Variants in ST6GAL1 observed in about 807,000 individuals in gnomAD.
ST6GAL1 encodes beta-galactoside alpha-2,6-sialyltransferase 1.
A neutral mutation model predicts 38.0 loss-of-function variants in ST6GAL1; 20 were observed. The observed-to-expected ratio is 0.53, with a 90% CI of 0.37 to 0.77. ST6GAL1 has a LOEUF of 0.77. ST6GAL1 is among the 30% of genes least tolerant of loss of function. The probability of loss-of-function intolerance (pLI) is 0.00; values close to 1 mark genes in which losing one functional copy is unlikely to be tolerated. For missense variants in ST6GAL1, 432 were observed against 496.4 expected (o/e 0.87, Z 1.23); for synonymous variants, 196 against 188.2 (o/e 1.04, Z -0.34).
At chr3:187,064,516 C>T (rs1363882446) in intron 5 of ST6GAL1, 1 of 456,558 alleles carries the variant, frequency 2.2e-6, no homozygotes, top group African/African-American at 2.0e-5. Flanking sequence ...CATTACACTT[C>T]TAGATCTCTG....
intron 2 of ST6GAL1, among the ~76,000 whole-genome samples, chr3:186,980,603 C>CAAAAAAAAA (rs34503745): frequency 1.3e-4 from 12 of 92,152 alleles, no homozygotes; most frequent in Non-Finnish European, 1.6e-4. Context: ...ACTAAAATTA[C>CAAAAAAAAA]AAAAAAAAAA....
At chr3:187,008,930 GGTT>G (rs1264488339) in intron 2 of ST6GAL1, among the ~76,000 whole-genome samples, 1 of 151,924 alleles carries the variant, frequency 6.6e-6, no homozygotes, top group African/African-American at 2.4e-5. Context: ...TGGGATTTGA[GGTT>G]GTTTCAGGTT....
chr3:187,072,779 C>G, intron 5 of ST6GAL1, 70 bp from the exon 6 acceptor site: 1 of 1,352,112 alleles, frequency 7.4e-7, no homozygotes, highest in South Asian at 1.2e-5. Flanking sequence ...TGTGCTATGT[C>G]AGCTATTACT....
chr3:186,937,053 CCT>C (rs1368015940), intron 1 of ST6GAL1, among the ~76,000 whole-genome samples: 2 of 151,314 alleles, frequency 1.3e-5, no homozygotes, highest in Non-Finnish European at 2.9e-5. Flanking sequence ...AAAGGCAACC[CCT>C]CTTAACAGTT....
intron 2 of ST6GAL1, among the ~76,000 whole-genome samples, chr3:187,021,037 C>T (rs1477662983): frequency 1.3e-5 from 2 of 151,596 alleles, no homozygotes; most frequent in Non-Finnish European, 2.9e-5. Flanking sequence ...TGATCTCTGC[C>T]CACTGAGCCT....
At chr3:187,024,988 C>CGTGTGTGTGTGTGTGT (rs144330370) in intron 2 of ST6GAL1, 1 of 145,686 alleles carries the variant, frequency 6.9e-6, no homozygotes. Context: ...GAACCTGGTG[C>CGTGTGTGTGTGTGTGT]GTGTGTGTGT....
rs757780443 is a variant in ST6GAL1 at position 187,072,924 on chromosome 3, G to C, written c.781G>C (p.Val261Leu). The C allele has an allele frequency of 1.2e-6, 2 of 1,613,774 alleles. No homozygotes were observed. Among genetic ancestry groups the C allele is most frequent in the Non-Finnish European group, 1.7e-6 (2 of 1,179,808 alleles). Residue 261 changes from valine (V) to leucine (L), a missense_variant, in exon 6 of 8, where the codon GTA becomes CTA. Coordinates refer to ENST00000169298, the MANE Select transcript of ST6GAL1 (RefSeq NM_173216.2). ...EGILIVWDPS[V>L]YHSDIPKWYQ... ...AATCCTAATTGTATGGGACCCATCTGTATACCACTCAGATATCCCAAAGGT... is the reference window on the plus strand; with the variant it reads ...AATCCTAATTGTATGGGACCCATCTCTATACCACTCAGATATCCCAAAGGT...
rs370345625 is a variant in ST6GAL1, at chr3:187,068,108, C to T, written c.706-4741C>T. On this transcript the variant is annotated intron_variant, in intron 5 of 7. Transcript: ENST00000169298. ...CTGTAATCCCAACACTTTGGGAGGCCGAGGCAGGTGGATCACGAGGTCAGG... is the reference window on the plus strand; with the variant it reads ...CTGTAATCCCAACACTTTGGGAGGCTGAGGCAGGTGGATCACGAGGTCAGG... 4.6e-5 allele frequency among the ~76,000 whole-genome samples: 7 copies of T among 151,644 alleles called. No homozygotes were observed. In the East Asian group the frequency reaches 1.2e-3, roughly 25 times the overall value.
intron 4 of ST6GAL1, among the ~76,000 whole-genome samples, chr3:187,047,940 T>C (rs1433190778): frequency 6.9e-6 from 1 of 145,736 alleles, no homozygotes; most frequent in Non-Finnish European, 1.5e-5. Context: ...TTTTTTCTTT[T>C]CCTTTCTTTT....
chr3:186,959,418 A>T (rs1303634694), intron 1 of ST6GAL1, among the ~76,000 whole-genome samples: 3 of 152,190 alleles, frequency 2.0e-5, no homozygotes. Flanking sequence ...TTGTCACCTC[A>T]TCTGAAAATG....
intron 2 of ST6GAL1, among the ~76,000 whole-genome samples, chr3:186,979,560 C>T (rs1394370366): frequency 6.6e-6 from 1 of 152,080 alleles, no homozygotes; most frequent in African/African-American, 2.4e-5. Context: ...GGAGGAAGTC[C>T]AAGACAAACT....
intron 2 of ST6GAL1, 119 bp downstream of exon 2, chr3:186,964,045 A>G (rs1227104582): frequency 6.6e-6 from 1 of 152,280 alleles, no homozygotes. Context: ...GGTTCAGTCA[A>G]ACCATCTGCT....
At chr3:186,957,221 T>A (rs2091437205) in intron 1 of ST6GAL1, among the ~76,000 whole-genome samples, 1 of 152,140 alleles carries the variant, frequency 6.6e-6, no homozygotes, top group South Asian at 2.1e-4. Context: ...GGTGAGTGGA[T>A]CATTTGAACC....
At chr3:187,009,748 A>G (rs1716895987) in intron 2 of ST6GAL1, among the ~76,000 whole-genome samples, 2 of 152,168 alleles carry the variant, frequency 1.3e-5, no homozygotes, top group African/African-American at 2.4e-5. Flanking sequence ...ACTCACGGCT[A>G]TAATCCCAGC....
At chr3:187,048,235 G>A (rs1718374951) in intron 4 of ST6GAL1, among the ~76,000 whole-genome samples, 1 of 152,134 alleles carries the variant, frequency 6.6e-6, no homozygotes, top group Non-Finnish European at 1.5e-5. Flanking sequence ...GAGCCACCGT[G>A]CCCAGCCTGA....
At chr3:187,062,322 T>C (rs1026207544) in intron 5 of ST6GAL1, among the ~76,000 whole-genome samples, 3 of 152,108 alleles carry the variant, frequency 2.0e-5, no homozygotes, top group Non-Finnish European at 2.9e-5. Flanking sequence ...CTAATAATCT[T>C]ATTTATTGGC....
At chr3:186,943,979 T>C (rs34794275) in intron 1 of ST6GAL1, among the ~76,000 whole-genome samples, 16,017 of 152,310 alleles carry the variant, frequency 0.11, 951 homozygotes, top group Non-Finnish European at 0.13. Flanking sequence ...ACAACATCCC[T>C]TGCCGAATCC....
At chr3:187,027,697 C>A (rs952345371) in intron 2 of ST6GAL1, among the ~76,000 whole-genome samples, 1 of 152,058 alleles carries the variant, frequency 6.6e-6, no homozygotes, top group Non-Finnish European at 1.5e-5. Context: ...CAGTGCACTT[C>A]AACAAACAGG....
chr3:187,075,861 C>T lies in ST6GAL1; in HGVS notation c.*58C>T. 1 of 1,597,454 alleles carries T rather than the reference C, an allele frequency of 6.3e-7. No homozygotes were observed. On this transcript the variant is annotated 3_prime_UTR_variant, in exon 8 of 8. Transcript: ENST00000169298. The surrounding 1 kb of genome is among the most constrained non-coding windows in gnomAD (Gnocchi z 4.1). ...TAAATGAATGGTCTCTTGGCCACCC[C>T]AGCCTGGGAAGAACATTTTCCTGAA...
Sources: allele counts gnomAD v4.1 joint callset (sites outside exome capture counted in the v4.1 genomes callset), GRCh38; gene constraint gnomAD v4.1.1; non-coding constraint Gnocchi (gnomAD v3.1); transcripts MANE v1.5; gene names NCBI Gene and HGNC (gene_info 2026-07-23, HGNC 2026-07-21).